B4GALT1: variants seen among roughly 807,000 people sequenced by gnomAD.
B4GALT1 encodes the protein beta-1,4-galactosyltransferase 1, also known as N-acetyllactosamine synthase.
A neutral mutation model predicts 34.9 loss-of-function variants in B4GALT1; 16 were observed. That is an observed-to-expected ratio of 0.46 (90% CI 0.31 to 0.70). The LOEUF is 0.70. Among genes scored for constraint, B4GALT1 ranks in the 30% least tolerant of loss-of-function variants. The pLI is 0.05. For synonymous variants in B4GALT1, 221 were observed against 218.1 expected (o/e 1.01, Z -0.12); for missense variants, 445 against 530.5 (o/e 0.84, Z 1.58).
the B4GALT1 span, among the ~76,000 whole-genome samples, chr9:33,173,614 G>GTGTGTA: frequency 1.3e-5 from 2 of 151,578 alleles, no homozygotes; most frequent in Non-Finnish European, 2.9e-5. Context: ...GTGTGTGTGT[G>GTGTGTA]TGTGTGTGTG....
At chr9:33,135,454 C>T (rs1295619038) in intron 1 of B4GALT1, 30 bp from the exon 2 acceptor site, 7 of 1,601,296 alleles carry the variant, frequency 4.4e-6, no homozygotes, top group Non-Finnish European at 6.0e-6. Flanking sequence ...GAGAAGTTAG[C>T]AGGCCACAGG....
intron 1 of B4GALT1, among the ~76,000 whole-genome samples, chr9:33,162,784 G>A (rs1412499938): frequency 6.6e-6 from 1 of 152,210 alleles, no homozygotes; most frequent in Admixed American, 6.5e-5. Context: ...TGGAGGCGGT[G>A]CCTTGTGTTT....
chr9:33,105,050 C>A lies in B4GALT1; in HGVS notation c.649-269G>T, dbSNP rs562465417. 7.9e-5 allele frequency among the ~76,000 whole-genome samples: 12 copies of A among 151,730 alleles called. No homozygotes were observed. The South Asian group carries it at 2.5e-3, about 32-fold the overall frequency. ...GGCCAGGCTGGTCTCAAACTCCTGA[C>A]CTCAAGTGATCCGCCCACCTTGGCC... On this transcript the variant is annotated intron_variant, in intron 2 of 2. Coordinates refer to the B4GALT1 transcript ENST00000535206.
At chr9:33,108,887 ATTTTT>A (rs1032174123), downstream of B4GALT1, 1 of 151,428 alleles carries the variant, frequency 6.6e-6, no homozygotes, top group Non-Finnish European at 1.5e-5. Context: ...CAATAGGAGA[ATTTTT>A]TGTTCTAATA....
In B4GALT1 at chr9:33,132,966, G is replaced by C. The variant is rs560703266; in HGVS notation, c.648+2223C>G. 1.1e-4 allele frequency among the ~76,000 whole-genome samples: 16 copies of C among 152,200 alleles called. No individual in the cohort carries two copies. The South Asian group carries it at 3.1e-3, about 30-fold the overall frequency. Reference sequence around the variant, plus strand: ...TGCCCAGGCTGGAGTGCAGTGGCATGATCTCGGCTCACTGCAACCTCTGCC... The same window carrying C: ...TGCCCAGGCTGGAGTGCAGTGGCATCATCTCGGCTCACTGCAACCTCTGCC... On this transcript the variant is annotated intron_variant, in intron 2 of 5. Transcript: ENST00000379731.
chr9:33,167,070 G>C lies in B4GALT1; in HGVS notation c.100C>G (p.Leu34Val). The C allele has an allele frequency of 6.2e-7, 1 of 1,603,552 alleles. No individual in the cohort carries two copies. Among genetic ancestry groups the C allele is most frequent in the Non-Finnish European group, 8.5e-7 (1 of 1,179,084 alleles). The change falls in exon 1 of 6, where the codon CTT becomes GTT. Residue 34 changes from leucine (L) to valine (V), a missense_variant. Physicochemically the swap from Leu to Val is conservative, Grantham distance 32. This residue lies in a region of B4GALT1 where 349 missense variants were observed against 395.5 expected (regional missense o/e 0.88). Coordinates refer to ENST00000379731, the MANE Select transcript of B4GALT1 (RefSeq NM_001497.4). ...AGGTAGTAAACGAGGGTGACGCCAA[G>C]GTGCAGAGCGCAGACGGCCACGAGC... ...RLLVAVCALHLGVTLVYYLAG... is the reference protein window; with the variant it reads ...RLLVAVCALHVGVTLVYYLAG...
At chr9:33,116,995 A>C (rs2118034949) in intron 3 of B4GALT1, among the ~76,000 whole-genome samples, 1 of 152,348 alleles carries the variant, frequency 6.6e-6, no homozygotes. Flanking sequence ...GTAGAAAGCC[A>C]GTCAGTGACA....
chr9:33,108,711 C>T (rs1587723669), downstream of B4GALT1: 1 of 152,166 alleles, frequency 6.6e-6, no homozygotes, highest in East Asian at 1.9e-4. Flanking sequence ...AAGTGGAGCA[C>T]ATCAGTGAAA....
chr9:33,144,420 G>A (rs1216679243), intron 1 of B4GALT1, among the ~76,000 whole-genome samples: 3 of 151,660 alleles, frequency 2.0e-5, no homozygotes, highest in Admixed American at 6.6e-5. Flanking sequence ...ATTTTTAGTA[G>A]AGCCGGGGTT....
At chr9:33,146,454 G>T (rs1293809391) in intron 1 of B4GALT1, among the ~76,000 whole-genome samples, 1 of 152,152 alleles carries the variant, frequency 6.6e-6, no homozygotes, top group Non-Finnish European at 1.5e-5. Flanking sequence ...TCACCTCCAG[G>T]CTGGGGCAGC....
At chr9:33,135,167 A>ATTCCAC in intron 2 of B4GALT1, 22 bp downstream of exon 2, 1 of 1,603,272 alleles carries the variant, frequency 6.2e-7, no homozygotes, top group South Asian at 1.1e-5. Context: ...ACCCTCTCTC[A>ATTCCAC]TTCCACCTTC....
At chr9:33,107,863 TG>T (rs1338665581), downstream of B4GALT1, among the ~76,000 whole-genome samples, 14 of 151,168 alleles carry the variant, frequency 9.3e-5, no homozygotes, top group Admixed American at 6.6e-4. Flanking sequence ...AGTGGAAGGG[TG>T]GGGGAAACAC....
At chr9:33,174,980 A>ATGT in the B4GALT1 span, among the ~76,000 whole-genome samples, 1 of 19,888 alleles carries the variant, frequency 5.0e-5, no homozygotes, top group Non-Finnish European at 1.2e-4. Context: ...AAAAAAAAAA[A>ATGT]AAAAAAAAAA....
At chr9:33,105,139 T>G (rs1230817719) in intron 2 of B4GALT1, among the ~76,000 whole-genome samples, 2 of 151,448 alleles carry the variant, frequency 1.3e-5, no homozygotes, top group African/African-American at 4.9e-5. Flanking sequence ...ATTTTAACCT[T>G]ATTTATTTAT....
intron 1 of B4GALT1, among the ~76,000 whole-genome samples, chr9:33,157,025 A>G (rs936848388): frequency 3.4e-5 from 5 of 148,314 alleles, no homozygotes; most frequent in Non-Finnish European, 7.4e-5. Context: ...GAAAACCCTA[A>G]TGTCCAGAAA....
chr9:33,135,950 G>A (rs1482466334), intron 1 of B4GALT1, among the ~76,000 whole-genome samples: 1 of 144,762 alleles, frequency 6.9e-6, no homozygotes, highest in Non-Finnish European at 1.5e-5. Flanking sequence ...CATGCATGTT[G>A]GGGACGTCAG....
chr9:33,174,958 T>TA, the B4GALT1 span, among the ~76,000 whole-genome samples: 10 of 13,358 alleles, frequency 7.5e-4, no homozygotes, highest in African/African-American at 1.4e-3. Context: ...GACTCTGTCT[T>TA]AAAAAAAAAA....
the B4GALT1 span, among the ~76,000 whole-genome samples, chr9:33,178,526 A>G: frequency 6.6e-6 from 1 of 152,102 alleles, no homozygotes; most frequent in Non-Finnish European, 1.5e-5. Context: ...GCTCAACTAT[A>G]CTTGTTCTCA....
At chr9:33,109,887 GGAAA>G (rs1196924866), downstream of B4GALT1, among the ~76,000 whole-genome samples, 1 of 152,240 alleles carries the variant, frequency 6.6e-6, no homozygotes, top group Non-Finnish European at 1.5e-5. Flanking sequence ...TGTGTGAGAA[GGAAA>G]GAAACAGGTT....
Sources: allele counts gnomAD v4.1 joint callset (sites outside exome capture counted in the v4.1 genomes callset), GRCh38; gene constraint gnomAD v4.1.1; regional missense constraint gnomAD v4.1.1; transcripts MANE v1.5; gene names NCBI Gene and HGNC (gene_info 2026-07-23, HGNC 2026-07-21).